Variants in KIF13A observed in about 807,000 individuals in gnomAD.
KIF13A encodes the protein kinesin family member 13A.
A neutral mutation model predicts 212.2 loss-of-function variants in KIF13A; 79 were observed. That is an observed-to-expected ratio of 0.37 (90% CI 0.31 to 0.45). The LOEUF (loss-of-function observed/expected upper bound fraction) is 0.45, where lower values mean the gene tolerates loss of function less well. Among genes scored for constraint, KIF13A ranks in the 20% least tolerant of loss-of-function variants. The probability of loss-of-function intolerance (pLI) is 1.00; values close to 1 mark genes in which losing one functional copy is unlikely to be tolerated. For missense variants in KIF13A, 1,901 were observed against 2,209.0 expected, an observed-to-expected ratio of 0.86 and a Z score of 2.79; for synonymous variants, 789 against 808.6, an observed-to-expected ratio of 0.98 and a Z score of 0.41.
intron 4 of KIF13A, among the ~76,000 whole-genome samples, chr6:17,865,326 G>GA (rs397750597): frequency 0.15 from 16,701 of 112,766 alleles, 1,314 homozygotes; most frequent in African/African-American, 0.31. Context: ...AGAGAGAGAG[G>GA]AAAAAAAAAA....
chr6:17,785,350 G>A lies in KIF13A; in HGVS notation c.3488+165C>T, dbSNP rs973684983. Among the ~76,000 whole-genome samples, 5 of 152,058 alleles carry A rather than the reference G, an allele frequency of 3.3e-5. No individual in the cohort carries two copies. Among genetic ancestry groups the A allele is most frequent in the Non-Finnish European group, 5.9e-5 (4 of 67,960 alleles). On this transcript the variant is annotated intron_variant, in intron 28 of 38. Transcript: ENST00000259711. The surrounding 1 kb of genome is among the most constrained non-coding windows in gnomAD (Gnocchi z 5.8). The stretch of plus-strand genomic sequence containing the variant: ...GTGGGAGAAAGTTGGCTTCGGTGGG[G>A]AAGGAAAAAAAGGGATGGAAGCATT...
chr6:17,774,773 C>CA (rs111818221), intron 35 of KIF13A, among the ~76,000 whole-genome samples: 6,902 of 103,440 alleles, frequency 0.067, 395 homozygotes, highest in African/African-American at 0.18. Context: ...AACTCTGTCT[C>CA]AAAAAAAAAA....
In KIF13A at chr6:17,987,540, TGCAGCCGCGCGCC is replaced by T; in HGVS notation, c.-90_-78del. ...CCCTCACGCGCGGCGCCGCCGCCGCTGCAGCCGCGCGCCCCTCGAGCGCGGCCGCCGCCGCTCC... is the reference window on the plus strand; with the variant it reads ...CCCTCACGCGCGGCGCCGCCGCCGCTCCTCGAGCGCGGCCGCCGCCGCTCC... On this transcript the variant is annotated 5_prime_UTR_variant, in exon 1 of 39. An upstream open reading frame in the 5' UTR loses its in-frame stop. Transcript: ENST00000259711. The surrounding 1 kb of genome is among the most constrained non-coding windows in gnomAD (Gnocchi z 7.7). The T allele has an allele frequency of 1.3e-6, 1 of 789,118 alleles. No homozygotes were observed. The highest frequency in any genetic ancestry group is 1.6e-6 in the Non-Finnish European group (1 of 641,864). The allele number at this position is 789,118 out of a possible 1,614,324, so 48.9% of individuals were successfully genotyped here.
In KIF13A at chr6:17,915,203, T is replaced by C. The variant is rs541933463; in HGVS notation, c.147-17023A>G. On this transcript the variant is annotated intron_variant, in intron 2 of 38. Coordinates refer to ENST00000259711, the MANE Select transcript of KIF13A (RefSeq NM_022113.6). This position sits in a 1 kb window ranked among gnomAD's most constrained non-coding sequence, Gnocchi z 4.4. Reference sequence around the variant, plus strand: ...AGCTGAATAATCCCTTAGGTTACAGTTGAGACACACAAACGGCCTTTTATG... The same window carrying C: ...AGCTGAATAATCCCTTAGGTTACAGCTGAGACACACAAACGGCCTTTTATG... Among the ~76,000 whole-genome samples, 145 of 152,276 alleles carry C rather than the reference T, an allele frequency of 9.5e-4. No homozygotes were observed. The highest frequency in any genetic ancestry group is 1.5e-3 in the Non-Finnish European group (103 of 68,024).
intron 2 of KIF13A, among the ~76,000 whole-genome samples, chr6:17,930,966 T>C (rs1380965684): frequency 1.3e-5 from 2 of 152,218 alleles, no homozygotes; most frequent in Non-Finnish European, 2.9e-5. Context: ...TCCGGCAGGT[T>C]CATTTTTGAT....
chr6:17,913,788 G>A (rs1363654097), intron 2 of KIF13A, among the ~76,000 whole-genome samples: 2 of 152,096 alleles, frequency 1.3e-5, no homozygotes, highest in East Asian at 1.9e-4. Flanking sequence ...CACAGGGACC[G>A]GGATTGATGG....
chr6:17,819,085 C>G (rs1470046656), intron 16 of KIF13A, among the ~76,000 whole-genome samples: 7 of 150,448 alleles, frequency 4.7e-5, no homozygotes, highest in Non-Finnish European at 1.0e-4. Context: ...CTGCAAGCTC[C>G]ACCTCCCAGG....
At position 17,825,781 on chromosome 6, in the gene KIF13A, G is replaced by A; in HGVS notation, c.1773C>T (p.Thr591=). 2 of 1,613,658 alleles carry A rather than the reference G, an allele frequency of 1.2e-6. No homozygotes were observed. Among genetic ancestry groups the A allele is most frequent in the South Asian group, 2.2e-5 (2 of 90,982 alleles). Residue 591 remains threonine, a synonymous_variant, in exon 16 of 39, where the codon ACC becomes ACT. Coordinates refer to ENST00000259711, the MANE Select transcript of KIF13A (RefSeq NM_022113.6). This position sits in a 1 kb window ranked among gnomAD's most constrained non-coding sequence, Gnocchi z 4.5. ...EFAQMEVIMK[T]LNSNDPVQNV... is the part of the protein sequence containing the mutation. The stretch of plus-strand genomic sequence containing the variant: ...TGAGGGTCTTACCATTACTATTCAG[G>A]GTTTTCATGATAACTTCCATCTGTG...
At chr6:17,940,134 GTTCCTTCC>G (rs924798480) in intron 2 of KIF13A, among the ~76,000 whole-genome samples, 8 of 149,218 alleles carry the variant, frequency 5.4e-5, no homozygotes, top group South Asian at 2.1e-4. Flanking sequence ...CTATATGGAA[GTTCCTTCC>G]TTCCTTCCTT....
At position 17,956,113 on chromosome 6, in the gene KIF13A, T is replaced by C. The variant is rs527582183; in HGVS notation, c.146+30941A>G. On this transcript the variant is annotated intron_variant, in intron 2 of 38. Transcript: ENST00000259711. ...TGCCAGGCTCCGTTCTAAGGACTCA[T>C]CAAGTGGTAGCTCATTTAACCTTAC... Among the ~76,000 whole-genome samples the C allele has an allele frequency of 2.0e-5, 3 of 152,322 alleles. No homozygotes were observed. In the East Asian group the frequency reaches 5.8e-4, roughly 29 times the overall value.
chr6:17,853,802 A>G lies in KIF13A; in HGVS notation c.494+1635T>C, dbSNP rs183605486. On this transcript the variant is annotated intron_variant, in intron 6 of 38. Coordinates refer to ENST00000259711, the MANE Select transcript of KIF13A (RefSeq NM_022113.6). ...CTAAAGAAGAGGAAGAGAATGCTAA[A>G]CACAAAATTCACAATAGTAGTTACC... Among the ~76,000 whole-genome samples, 12 of 152,354 alleles carry G rather than the reference A, an allele frequency of 7.9e-5. No individual in the cohort carries two copies. The East Asian group carries it at 2.3e-3, about 29-fold the overall frequency.
At chr6:17,948,597 CTG>C (rs756013588) in intron 2 of KIF13A, among the ~76,000 whole-genome samples, 12 of 120,822 alleles carry the variant, frequency 9.9e-5, no homozygotes, top group Non-Finnish European at 1.6e-4. Context: ...AAGTCTCACT[CTG>C]TCGTCCAGGC....
intron 2 of KIF13A, among the ~76,000 whole-genome samples, chr6:17,957,726 G>A (rs961698471): frequency 3.9e-5 from 6 of 152,162 alleles, no homozygotes; most frequent in Admixed American, 6.5e-5. Flanking sequence ...GTTGGTGGGG[G>A]AAAACCCCAA....
chr6:17,958,773 T>C (rs1581856782), intron 2 of KIF13A, among the ~76,000 whole-genome samples: 1 of 152,188 alleles, frequency 6.6e-6, no homozygotes, highest in East Asian at 1.9e-4. Flanking sequence ...GTTGTATTCA[T>C]CCGAATGCAA....
At chr6:17,952,030 G>A (rs751624098) in intron 2 of KIF13A, among the ~76,000 whole-genome samples, 5 of 152,112 alleles carry the variant, frequency 3.3e-5, no homozygotes, top group Admixed American at 6.6e-5. Flanking sequence ...TTTGCCGGGC[G>A]TGGTGGCTCA....
intron 38 of KIF13A, among the ~76,000 whole-genome samples, chr6:17,765,901 C>T (rs1758906659): frequency 6.6e-6 from 1 of 152,226 alleles, no homozygotes; most frequent in African/African-American, 2.4e-5. Context: ...ACACACTGAA[C>T]ATCCACTACA....
chr6:17,840,322 T>C (rs1285478550), intron 9 of KIF13A, among the ~76,000 whole-genome samples: 1 of 152,194 alleles, frequency 6.6e-6, no homozygotes, highest in African/African-American at 2.4e-5. Context: ...TATGTGATAA[T>C]AGAGGCAAGT....
chr6:17,978,142 T>G (rs1031718293), intron 2 of KIF13A, among the ~76,000 whole-genome samples: 7 of 152,266 alleles, frequency 4.6e-5, no homozygotes, highest in African/African-American at 1.7e-4. Context: ...TCTAGTCCTG[T>G]GAGTCTAGGA....
Position 17,957,984 on chromosome 6 carries a change from C to T in KIF13A, c.146+29070G>A, listed in dbSNP as rs571827196. Among the ~76,000 whole-genome samples the T allele has an allele frequency of 7.2e-5, 11 of 152,270 alleles. No individual in the cohort carries two copies. The East Asian group carries it at 2.1e-3, about 29-fold the overall frequency. ...GCCTGAGGTTTAGACCAGCCTTCCT[C>T]TAGGAAACAGTCACAGAAAACATTT... On this transcript the variant is annotated intron_variant, in intron 2 of 38. Transcript: ENST00000259711.
Sources: allele counts gnomAD v4.1 joint callset (sites outside exome capture counted in the v4.1 genomes callset), GRCh38; gene constraint gnomAD v4.1.1; non-coding constraint Gnocchi (gnomAD v3.1); transcripts MANE v1.5; gene names NCBI Gene and HGNC (gene_info 2026-07-23, HGNC 2026-07-21).